CSMD1: variants seen among roughly 807,000 people sequenced by gnomAD.
The protein encoded by CSMD1 is CUB and sushi domain-containing protein 1.
Under a neutral mutation model 417.5 loss-of-function variants are expected in CSMD1, and 213 were observed. The ratio of observed to expected loss-of-function variants is 0.51; its 90% confidence interval spans 0.46 to 0.57. The LOEUF (loss-of-function observed/expected upper bound fraction) is 0.57. Ranked by LOEUF, CSMD1 falls within the 20% of genes least tolerant of loss-of-function variation. CSMD1 has a pLI of 0.00. For missense variants in CSMD1, 6,923 were observed against 4,529.7 expected (o/e 1.53, Z -15.17); for synonymous variants, 2,862 against 1,736.8 (o/e 1.65, Z -16.11).
chr8:3,366,077 T>C (rs985485394), intron 20 of CSMD1, among the ~76,000 whole-genome samples: 7 of 152,224 alleles, frequency 4.6e-5, no homozygotes, highest in Non-Finnish European at 1.0e-4. Context: ...TACATGTGAC[T>C]GTGGTACCCA....
chr8:3,437,626 T>C (rs181201361), intron 12 of CSMD1, among the ~76,000 whole-genome samples: 49 of 152,346 alleles, frequency 3.2e-4, no homozygotes, highest in Admixed American at 5.2e-4. Context: ...CTTCTTTACA[T>C]AGAAGATGGT....
At chr8:3,438,919 G>T (rs1209522834) in intron 12 of CSMD1, among the ~76,000 whole-genome samples, 1 of 151,232 alleles carries the variant, frequency 6.6e-6, no homozygotes, top group Non-Finnish European at 1.5e-5. Flanking sequence ...AGTTCAAGAT[G>T]AGTCTGGCCA....
chr8:3,991,070 A>G (rs541808156), intron 5 of CSMD1, among the ~76,000 whole-genome samples: 2 of 152,290 alleles, frequency 1.3e-5, no homozygotes, highest in Non-Finnish European at 2.9e-5. Context: ...TTTCCCAGAA[A>G]TTCCTTCGCT....
At chr8:3,007,581 C>G (rs1408855406) in intron 52 of CSMD1, among the ~76,000 whole-genome samples, 4 of 151,310 alleles carry the variant, frequency 2.6e-5, no homozygotes, top group Non-Finnish European at 5.9e-5. Flanking sequence ...CCATGGAATA[C>G]TATGCAGCCA....
chr8:4,729,015 G>A lies in CSMD1; in HGVS notation c.86-91457C>T, dbSNP rs114811389. 3.7e-3 allele frequency among the ~76,000 whole-genome samples: 557 copies of A among 152,252 alleles called. 2 individuals are homozygous for A. The highest frequency in any genetic ancestry group is 0.013 in the African/African-American group (534 of 41,550). ...CTGTGGTGATATAAATCTAGAAGGC[G>A]TTAGTATACAGACGGAAAGAGATAA... On this transcript the variant is annotated intron_variant, in intron 1 of 69. Transcript: ENST00000635120.
rs375710361 is a variant in CSMD1 at position 3,487,392 on chromosome 8, A to G, written c.1448+6231T>C. ...AATTTTTTGTATTTTTAGTAGAGACAGGGTTTCACCATGTTAGCCAGGATG... is the reference window on the plus strand; with the variant it reads ...AATTTTTTGTATTTTTAGTAGAGACGGGGTTTCACCATGTTAGCCAGGATG... On this transcript the variant is annotated intron_variant, in intron 11 of 69. Coordinates refer to ENST00000635120, the MANE Select transcript of CSMD1 (RefSeq NM_033225.6). Among the ~76,000 whole-genome samples, 89 of 152,040 alleles carry G rather than the reference A, an allele frequency of 5.9e-4. No homozygotes were observed. The East Asian group carries it at 6.2e-3, about 11-fold the overall frequency.
chr8:3,242,538 AT>A (rs1412938325), intron 26 of CSMD1, among the ~76,000 whole-genome samples: 1 of 151,964 alleles, frequency 6.6e-6, no homozygotes, highest in African/African-American at 2.4e-5. Context: ...TGAAAGTGCC[AT>A]TTTCTGACTA....
intron 3 of CSMD1, among the ~76,000 whole-genome samples, chr8:4,113,366 T>G (rs578132834): frequency 1.4e-5 from 2 of 145,514 alleles, no homozygotes; most frequent in Non-Finnish European, 3.0e-5. Flanking sequence ...GCAAATAAAA[T>G]GTTCTTCAAG....
chr8:4,052,659 TAGA>T (rs1414488550), intron 3 of CSMD1, among the ~76,000 whole-genome samples: 6 of 152,112 alleles, frequency 3.9e-5, no homozygotes, highest in Admixed American at 3.9e-4. Context: ...AGAATTCTGA[TAGA>T]AGGAATCATC....
At chr8:4,446,726 T>G (rs1798815001) in intron 2 of CSMD1, among the ~76,000 whole-genome samples, 1 of 138,516 alleles carries the variant, frequency 7.2e-6, no homozygotes, top group African/African-American at 2.8e-5. Flanking sequence ...GTTGTGTGTG[T>G]GTGTGTCTGT....
At chr8:4,021,935 G>A (rs1046548740) in intron 4 of CSMD1, among the ~76,000 whole-genome samples, 7 of 151,884 alleles carry the variant, frequency 4.6e-5, no homozygotes, top group Non-Finnish European at 1.0e-4. Flanking sequence ...TAGCTCTTTT[G>A]ATCTTTATTT....
intron 1 of CSMD1, among the ~76,000 whole-genome samples, chr8:4,974,256 C>G (rs142354560): frequency 0.014 from 2,083 of 151,810 alleles, 44 homozygotes; most frequent in African/African-American, 0.047. Context: ...GAACTCCTGA[C>G]CTCATGTGAT....
At chr8:4,208,352 G>T (rs779987395) in intron 3 of CSMD1, among the ~76,000 whole-genome samples, 1 of 152,122 alleles carries the variant, frequency 6.6e-6, no homozygotes, top group Non-Finnish European at 1.5e-5. Flanking sequence ...ATCCTTCCTG[G>T]AGTAAGAGGG....
At chr8:4,583,663 C>T (rs896551861) in intron 2 of CSMD1, among the ~76,000 whole-genome samples, 1 of 152,136 alleles carries the variant, frequency 6.6e-6, no homozygotes, top group Non-Finnish European at 1.5e-5. Context: ...CTGTATCTAA[C>T]TAATCTGATG....
chr8:3,200,354 A>C (rs1378912579), intron 32 of CSMD1, among the ~76,000 whole-genome samples: 1 of 152,010 alleles, frequency 6.6e-6, no homozygotes, highest in Non-Finnish European at 1.5e-5. Context: ...CAGGAGTTTG[A>C]GACCAGCCTG....
intron 1 of CSMD1, among the ~76,000 whole-genome samples, chr8:4,738,522 T>C (rs1009753676): frequency 6.6e-6 from 1 of 152,024 alleles, no homozygotes; most frequent in Non-Finnish European, 1.5e-5. Context: ...TTCAATGACA[T>C]CCACCTGGCC....
intron 3 of CSMD1, among the ~76,000 whole-genome samples, chr8:4,074,549 C>G (rs1261073450): frequency 6.6e-6 from 1 of 152,018 alleles, no homozygotes; most frequent in Non-Finnish European, 1.5e-5. Flanking sequence ...CATAAATATT[C>G]CCAGTGGAAG....
chr8:3,148,982 C>A (rs1585481537), intron 40 of CSMD1, among the ~76,000 whole-genome samples: 1 of 152,162 alleles, frequency 6.6e-6, no homozygotes, highest in African/African-American at 2.4e-5. Context: ...GATAAAGTTT[C>A]TTTTCTCCTC....
chr8:3,708,423 T>G lies in CSMD1; in HGVS notation c.1000A>C (p.Asn334His). The part of the protein sequence containing the change: ...MLPSKDGSHK[N>H]SVLSQGGVAL... ...AAGGAAAGGGACTCACAGACAGAGTTTTTATGGCTTCCATCCTTGCTGGGC... is the reference window on the plus strand; with the variant it reads ...AAGGAAAGGGACTCACAGACAGAGTGTTTATGGCTTCCATCCTTGCTGGGC... The change falls in exon 7 of 70, where the codon AAC becomes CAC. Residue 334 changes from asparagine to histidine, a missense_variant. Coordinates refer to ENST00000635120, the MANE Select transcript of CSMD1 (RefSeq NM_033225.6). 6.2e-7 allele frequency: 1 copy of G among 1,613,856 alleles called. No individual in the cohort carries two copies. Among genetic ancestry groups the G allele is most frequent in the Non-Finnish European group, 8.5e-7 (1 of 1,179,796 alleles).
Sources: gnomAD v4.1 joint callset for allele counts (sites outside exome capture counted in the v4.1 genomes callset) on GRCh38, gnomAD v4.1.1 for gene constraint, MANE v1.5 for transcripts, NCBI Gene and HGNC (gene_info 2026-07-23, HGNC 2026-07-21) for gene names.